The following SOX5 variants were observed in gnomAD, a reference collection of about 807,000 sequenced individuals.
SOX5 encodes the protein transcription factor SOX-5.
A neutral mutation model predicts 92.0 loss-of-function variants in SOX5; 9 were observed. That is an observed-to-expected ratio of 0.10 (90% CI 0.06 to 0.17). The LOEUF is 0.17. Among genes scored for constraint, SOX5 ranks in the 10% least tolerant of loss-of-function variants. The probability of loss-of-function intolerance (pLI) is 1.00; values close to 1 mark genes in which losing one functional copy is unlikely to be tolerated. For missense variants in SOX5, 642 were observed against 944.5 expected, an observed-to-expected ratio of 0.68 and a Z score of 4.20; for synonymous variants, 344 against 336.3, an observed-to-expected ratio of 1.02 and a Z score of -0.25.
chr12:23,634,094 C>T (rs1288250868), intron 8 of SOX5, among the ~76,000 whole-genome samples: 1 of 151,928 alleles, frequency 6.6e-6, no homozygotes, highest in Non-Finnish European at 1.5e-5. Context: ...ATATATGCTG[C>T]TTTTTTTAAT....
intron 8 of SOX5, among the ~76,000 whole-genome samples, chr12:23,627,959 T>A (rs1055870488): frequency 1.3e-5 from 2 of 151,904 alleles, no homozygotes; most frequent in East Asian, 3.9e-4. Flanking sequence ...TATTTTATGG[T>A]TTTATATTGT....
At chr12:24,093,339 G>A (rs1186647890) in intron 4 of SOX5, among the ~76,000 whole-genome samples, 1 of 151,912 alleles carries the variant, frequency 6.6e-6, no homozygotes, top group Admixed American at 6.6e-5. Flanking sequence ...GGCTAACACG[G>A]TGAAACCCCG....
At chr12:24,449,193 T>C (rs905904769) in intron 1 of SOX5, among the ~76,000 whole-genome samples, 3 of 152,168 alleles carry the variant, frequency 2.0e-5, no homozygotes, top group African/African-American at 7.2e-5. Flanking sequence ...TCCTTACCCC[T>C]TCTTACAAAC....
Position 24,295,738 on chromosome 12 carries a change from G to A in SOX5, c.-173-18426C>T, listed in dbSNP as rs199810608. On this transcript the variant is annotated intron_variant, in intron 2 of 4. Transcript: ENST00000446891. ...ACACCAGCACATCTGGCTAATTTTT[G>A]TAGTTTTTTTGTAGAGATGAGATTT... is the stretch of plus-strand genomic sequence containing the variant. Among the ~76,000 whole-genome samples the A allele has an allele frequency of 8.7e-3, 528 of 60,424 alleles. 15 individuals carry two copies. In the East Asian group the frequency reaches 0.35, roughly 40 times the overall value. 39.6% of individuals were successfully genotyped at this position (60,424 alleles called of 152,430 possible). A position where few individuals can be genotyped will look rare whatever the true frequency, so the allele number is the denominator to read the frequency against.
chr12:24,511,077 AC>A (rs1428280749), intron 1 of SOX5, among the ~76,000 whole-genome samples: 2 of 152,194 alleles, frequency 1.3e-5, no homozygotes, highest in African/African-American at 2.4e-5. Context: ...ACTTTATTGC[AC>A]TAGGCTGGGT....
At chr12:23,921,438 C>T (rs79819735) in intron 1 of SOX5, among the ~76,000 whole-genome samples, 2,093 of 151,370 alleles carry the variant, frequency 0.014, 48 homozygotes, top group African/African-American at 0.048. Flanking sequence ...TCATATTGCA[C>T]AGCAGACAAA....
intron 1 of SOX5, among the ~76,000 whole-genome samples, chr12:24,522,625 C>G (rs1950360285): frequency 6.6e-6 from 1 of 152,056 alleles, no homozygotes; most frequent in African/African-American, 2.4e-5. Flanking sequence ...TCAACAGACA[C>G]AAACAAATTA....
At chr12:23,725,966 T>C (rs372567826) in intron 6 of SOX5, among the ~76,000 whole-genome samples, 4 of 152,266 alleles carry the variant, frequency 2.6e-5, no homozygotes, top group South Asian at 4.1e-4. Flanking sequence ...GCTATCCCAG[T>C]TTTCCCTTTT....
intron 11 of SOX5, among the ~76,000 whole-genome samples, chr12:23,549,909 C>T (rs185573714): frequency 3.9e-5 from 6 of 151,912 alleles, no homozygotes; most frequent in Admixed American, 2.6e-4. Flanking sequence ...TGTATCTCAT[C>T]GACAGAAGAC....
intron 2 of SOX5, among the ~76,000 whole-genome samples, chr12:23,859,206 A>AT (rs1374927222): frequency 6.6e-6 from 1 of 152,140 alleles, no homozygotes; most frequent in Middle Eastern, 3.2e-3. Context: ...ATACAGCCAT[A>AT]TTTTTCATCT....
chr12:23,968,643 A>T (rs1034427674), intron 4 of SOX5, among the ~76,000 whole-genome samples: 5 of 152,228 alleles, frequency 3.3e-5, no homozygotes, highest in Non-Finnish European at 7.3e-5. Context: ...CAGAACCATA[A>T]GCCAATAAAT....
At chr12:24,473,832 T>C (rs1299130357) in intron 1 of SOX5, among the ~76,000 whole-genome samples, 1 of 152,184 alleles carries the variant, frequency 6.6e-6, no homozygotes, top group Non-Finnish European at 1.5e-5. Flanking sequence ...TAATCGAAGA[T>C]AGAGTTTTCA....
At chr12:23,871,077 T>C (rs2096867756) in intron 2 of SOX5, among the ~76,000 whole-genome samples, 1 of 152,156 alleles carries the variant, frequency 6.6e-6, no homozygotes, top group Non-Finnish European at 1.5e-5. Context: ...TTAAGGTGTA[T>C]ATTTTTCCTC....
intron 4 of SOX5, among the ~76,000 whole-genome samples, chr12:24,048,983 C>A (rs1354482900): frequency 6.6e-6 from 1 of 152,140 alleles, no homozygotes; most frequent in Non-Finnish European, 1.5e-5. Context: ...AAAAAACCCA[C>A]TGAATTCTTC....
rs772055811 is a variant in SOX5, at chr12:23,998,858, T to C, written c.-1-102834A>G. ...CGAAAAATTATTTGAAGTGTAATAATGGCCACAAACTTCACAAATTTAATG... is the reference window on the plus strand; with the variant it reads ...CGAAAAATTATTTGAAGTGTAATAACGGCCACAAACTTCACAAATTTAATG... On this transcript the variant is annotated intron_variant, in intron 4 of 4. Transcript: ENST00000446891. 6.7e-4 allele frequency among the ~76,000 whole-genome samples: 91 copies of C among 135,658 alleles called. 1 individual carries two copies. Among genetic ancestry groups the C allele is most frequent in the Middle Eastern group, 4.3e-3 (1 of 232 alleles). The allele number at this position is 135,658 out of a possible 152,430, so 89.0% of individuals were successfully genotyped here.
chr12:24,518,774 G>A (rs1950015416), intron 1 of SOX5, among the ~76,000 whole-genome samples: 1 of 152,150 alleles, frequency 6.6e-6, no homozygotes, highest in Non-Finnish European at 1.5e-5. Flanking sequence ...TTAATCATCT[G>A]TCAATTTCAT....
At chr12:23,603,735 A>T (rs947241235) in intron 9 of SOX5, among the ~76,000 whole-genome samples, 5 of 151,994 alleles carry the variant, frequency 3.3e-5, no homozygotes. Context: ...ATGTGTTCTA[A>T]TGTTTTCTTA....
intron 4 of SOX5, among the ~76,000 whole-genome samples, chr12:24,117,514 C>G (rs1034025108): frequency 6.6e-6 from 1 of 152,128 alleles, no homozygotes; most frequent in South Asian, 2.1e-4. Flanking sequence ...AATGTCTGCC[C>G]TCCCATGTGC....
At chr12:23,561,502 T>C (rs10505893) in intron 11 of SOX5, among the ~76,000 whole-genome samples, 54,100 of 151,968 alleles carry the variant, frequency 0.36, 9,744 homozygotes, top group East Asian at 0.42. Flanking sequence ...AGGATTATTT[T>C]ATGTACTTCC....
Sources: gnomAD v4.1 joint callset for allele counts (sites outside exome capture counted in the v4.1 genomes callset) on GRCh38, gnomAD v4.1.1 for gene constraint, MANE v1.5 for transcripts, NCBI Gene and HGNC (gene_info 2026-07-23, HGNC 2026-07-21) for gene names.